Variants in PCDHGB5 observed in about 807,000 individuals in gnomAD.
The protein encoded by PCDHGB5 is protocadherin gamma subfamily B, 5.
A neutral mutation model predicts 62.9 loss-of-function variants in PCDHGB5; 48 were observed. The observed-to-expected ratio is 0.76, with a 90% CI of 0.61 to 0.97. The LOEUF is 0.97. Among genes scored for constraint, PCDHGB5 ranks in the 50% least tolerant of loss-of-function variants. PCDHGB5 has a pLI of 0.00. For synonymous variants in PCDHGB5, 474 were observed against 511.2 expected, an observed-to-expected ratio of 0.93 and a Z score of 0.98; for missense variants, 1,118 against 1,198.6, an observed-to-expected ratio of 0.93 and a Z score of 0.99.
chr5:141,432,305 G>T lies in PCDHGB5; in HGVS notation c.2397+31781G>T. 1 of 1,614,254 alleles carries T rather than the reference G, an allele frequency of 6.2e-7. No individual in the cohort carries two copies. Among genetic ancestry groups the T allele is most frequent in the African/African-American group, 1.3e-5 (1 of 75,072 alleles). ...CAACTCCGACACTGGGGTACTGTAT[G>T]CGCTGAGCTCCTTCGACTACGAGCA... On this transcript the variant is annotated intron_variant, in intron 1 of 3. Transcript: ENST00000617380. This position sits in a 1 kb window ranked among gnomAD's most constrained non-coding sequence, Gnocchi z 6.0.
chr5:141,485,935 C>A lies in PCDHGB5; in HGVS notation c.2398-8872C>A. The stretch of plus-strand genomic sequence containing the variant: ...GCTACAGGATTAGTGTGTTGGAGAG[C>A]GCACCAGCGGGCATGGTGCTCATCC... On this transcript the variant is annotated intron_variant, in intron 1 of 3. Coordinates refer to ENST00000617380, the MANE Select transcript of PCDHGB5 (RefSeq NM_018925.3). This position sits in a 1 kb window ranked among gnomAD's most constrained non-coding sequence, Gnocchi z 5.7. The A allele has an allele frequency of 3.1e-6, 5 of 1,614,144 alleles. No homozygotes were observed. Among genetic ancestry groups the A allele is most frequent in the Non-Finnish European group, 3.4e-6 (4 of 1,180,030 alleles).
intron 1 of PCDHGB5, among the ~76,000 whole-genome samples, chr5:141,488,741 C>A (rs2099678972): frequency 1.3e-5 from 2 of 152,310 alleles, no homozygotes; most frequent in South Asian, 4.1e-4. Context: ...TGAAGTCATG[C>A]AGGAAGTTGC....
At chr5:141,470,734 G>C (rs970003510) in intron 1 of PCDHGB5, among the ~76,000 whole-genome samples, 1 of 152,128 alleles carries the variant, frequency 6.6e-6, no homozygotes, top group South Asian at 2.1e-4. Context: ...GTCTTGCTCT[G>C]TCGCCCTGGC....
chr5:141,452,002 T>C (rs965343762), intron 1 of PCDHGB5, among the ~76,000 whole-genome samples: 1 of 152,220 alleles, frequency 6.6e-6, no homozygotes, highest in African/African-American at 2.4e-5. Context: ...GCAAAATCAC[T>C]TGGTCCAGCC....
rs759095332 is a variant in PCDHGB5, at chr5:141,432,306, C to T, written c.2397+31782C>T. 1 of 1,614,250 alleles carries T rather than the reference C, an allele frequency of 6.2e-7. No homozygotes were observed. On this transcript the variant is annotated intron_variant, in intron 1 of 3. Coordinates refer to ENST00000617380, the MANE Select transcript of PCDHGB5 (RefSeq NM_018925.3). This position sits in a 1 kb window ranked among gnomAD's most constrained non-coding sequence, Gnocchi z 6.0. ...AACTCCGACACTGGGGTACTGTATG[C>T]GCTGAGCTCCTTCGACTACGAGCAG...
rs755254491 is a variant in PCDHGB5, at chr5:141,409,746, T to TCG, written c.2397+9226_2397+9227dup. On this transcript the variant is annotated intron_variant, in intron 1 of 3. Transcript: ENST00000617380. ...GTGAGCGCGCAGAGCGGGGTGGTGT[T>TCG]CGCGCAGCGCGCCTTTGATCACGAG... The TCG allele has an allele frequency of 3.1e-6, 5 of 1,613,024 alleles. No homozygotes were observed. The South Asian group carries it at 5.5e-5, about 18-fold the overall frequency.
At chr5:141,426,231 C>A in intron 1 of PCDHGB5, 1 of 158,042 alleles carries the variant, frequency 6.3e-6, no homozygotes, top group Non-Finnish European at 1.4e-5. Flanking sequence ...ATTTTAAAAG[C>A]ACTTTGTGAA....
At chr5:141,413,075 A>G (rs1013709122) in intron 1 of PCDHGB5, 4 of 1,246,610 alleles carry the variant, frequency 3.2e-6, no homozygotes, top group South Asian at 3.1e-5. Context: ...TAAAGTGCCC[A>G]GGCTACAGAG....
chr5:141,426,465 T>C, intron 1 of PCDHGB5: 1 of 315,366 alleles, frequency 3.2e-6, no homozygotes, highest in African/African-American at 2.2e-5. Context: ...ATGTTCAGGA[T>C]TTATTGACCT....
In PCDHGB5 at chr5:141,512,267, G is replaced by C. The variant is rs2099884152; in HGVS notation, c.*1094G>C. On this transcript the variant is annotated 3_prime_UTR_variant, in exon 4 of 4. Coordinates refer to ENST00000617380, the MANE Select transcript of PCDHGB5 (RefSeq NM_018925.3). ...GCCTCTGTGGGTGCTGGGTACTCCA[G>C]AGGTGCCACTGGTGGAAGGGTCAGC... 2.6e-5 allele frequency: 4 copies of C among 152,744 alleles called. No homozygotes were observed. Among genetic ancestry groups the C allele is most frequent in the Admixed American group, 2.6e-4 (4 of 15,290 alleles). 9.5% of individuals were successfully genotyped at this position (152,744 alleles called of 1,614,324 possible). A position where few individuals can be genotyped will look rare whatever the true frequency, so the allele number is the denominator to read the frequency against.
intron 1 of PCDHGB5, among the ~76,000 whole-genome samples, chr5:141,457,674 A>G (rs577008886): frequency 2.9e-4 from 44 of 152,256 alleles, no homozygotes; most frequent in South Asian, 2.1e-4. Flanking sequence ...GGTTATTTCT[A>G]CATAGGACTT....
chr5:141,473,263 T>C (rs2099318134), intron 1 of PCDHGB5, among the ~76,000 whole-genome samples: 1 of 152,210 alleles, frequency 6.6e-6, no homozygotes, highest in African/African-American at 2.4e-5. Context: ...GTCCTTAGTG[T>C]ATGCTATGAT....
chr5:141,494,048 G>C (rs764072099), intron 1 of PCDHGB5, among the ~76,000 whole-genome samples: 3 of 152,148 alleles, frequency 2.0e-5, no homozygotes, highest in Non-Finnish European at 2.9e-5. Flanking sequence ...GGCCCTGCTT[G>C]GAGGCTGTGG....
chr5:141,450,776 C>G (rs757791026), intron 1 of PCDHGB5, among the ~76,000 whole-genome samples: 1 of 151,440 alleles, frequency 6.6e-6, no homozygotes, highest in Non-Finnish European at 1.5e-5. Flanking sequence ...CATGAGCCAC[C>G]GTGCCCGGAC....
chr5:141,408,667 C>T, intron 1 of PCDHGB5: 1 of 1,613,954 alleles, frequency 6.2e-7, no homozygotes, highest in Non-Finnish European at 8.5e-7. Flanking sequence ...TATCGCTTGA[C>T]CCTGCCACGG....
intron 1 of PCDHGB5, among the ~76,000 whole-genome samples, chr5:141,465,422 G>A (rs74711061): frequency 0.01 from 1,576 of 152,260 alleles, 21 homozygotes; most frequent in African/African-American, 0.037. Context: ...AGCACTGAAA[G>A]GTGGGCACTT....
At chr5:141,405,545 AAGTAGAGTAGCTGGGACTAG>A (rs1053729516) in intron 1 of PCDHGB5, 17 of 631,162 alleles carry the variant, frequency 2.7e-5, no homozygotes, top group African/African-American at 9.2e-5. Flanking sequence ...TCAGCCTCCC[AAGTAGAGTAGCTGGGACTAG>A]AGTAGAGTAG....
At chr5:141,471,504 G>A (rs1487198851) in intron 1 of PCDHGB5, 1 of 152,214 alleles carries the variant, frequency 6.6e-6, no homozygotes, top group Non-Finnish European at 1.5e-5. Flanking sequence ...ATGCAAGAGA[G>A]GGAGTAAAAA....
intron 1 of PCDHGB5, chr5:141,402,790 A>T: frequency 2.1e-6 from 2 of 961,358 alleles, no homozygotes; most frequent in Non-Finnish European, 2.9e-6. Context: ...TTCTGCGGCT[A>T]CACAAAACCC....
Sources: allele counts gnomAD v4.1 joint callset (sites outside exome capture counted in the v4.1 genomes callset), GRCh38; gene constraint gnomAD v4.1.1; non-coding constraint Gnocchi (gnomAD v3.1); transcripts MANE v1.5; gene names NCBI Gene and HGNC (gene_info 2026-07-23, HGNC 2026-07-21).